The following PATJ variants were observed in gnomAD, a reference collection of about 807,000 sequenced individuals.
PATJ encodes the protein PATJ crumbs cell polarity complex component, also known as inaD-like protein.
In PATJ, 190 loss-of-function variants were observed where a neutral mutation model predicts 224.9. The ratio of observed to expected loss-of-function variants is 0.84; its 90% CI spans 0.75 to 0.95. PATJ has a LOEUF of 0.95. Ranked by LOEUF, PATJ falls within the 40% of genes least tolerant of loss-of-function variation. The probability of loss-of-function intolerance (pLI) is 0.00; values close to 1 mark genes in which losing one functional copy is unlikely to be tolerated. For synonymous variants in PATJ, 769 were observed against 820.3 expected (o/e 0.94, Z 1.07); for missense variants, 2,121 against 2,270.3 (o/e 0.93, Z 1.34).
intron 8 of PATJ, among the ~76,000 whole-genome samples, chr1:61,790,520 T>TTG (rs1649602867): frequency 2.1e-5 from 3 of 145,900 alleles, no homozygotes; most frequent in South Asian, 2.2e-4. Context: ...TTTTTGTTTT[T>TTG]TTTTTTTGTT....
At chr1:61,789,787 C>T (rs565683348) in intron 8 of PATJ, among the ~76,000 whole-genome samples, 8 of 152,088 alleles carry the variant, frequency 5.3e-5, no homozygotes, top group African/African-American at 1.2e-4. Context: ...ACTCCAGCCT[C>T]GGTGACAGAG....
Position 61,801,640 on chromosome 1 carries a change from C to A in PATJ, c.1420C>A (p.Leu474Met). The change falls in exon 12 of 44, where the codon CTG becomes ATG. Residue 474 changes from leucine to methionine, a missense_variant. Coordinates refer to ENST00000642238, the MANE Select transcript of PATJ (RefSeq NM_001350145.3). Reference protein sequence around the residue: ...PSDRGTVVEPLKPPALFLTGA... With the variant: ...PSDRGTVVEPMKPPALFLTGA... ...TGTTTTAGGAACTGTTGTAGAACCACTGAAACCACCAGCTCTCTTTCTAAC... is the reference window on the plus strand; with the variant it reads ...TGTTTTAGGAACTGTTGTAGAACCAATGAAACCACCAGCTCTCTTTCTAAC... 1 of 1,583,570 alleles carries A rather than the reference C, an allele frequency of 6.3e-7. No homozygotes were observed. Among genetic ancestry groups the A allele is most frequent in the Non-Finnish European group, 8.6e-7 (1 of 1,164,136 alleles).
intron 7 of PATJ, 42 bp from the exon 8 acceptor site, chr1:61,787,712 A>G: frequency 6.9e-7 from 1 of 1,449,174 alleles, no homozygotes; most frequent in Non-Finnish European, 9.7e-7. Flanking sequence ...CAGTGAAGTT[A>G]CAGCATTTAT....
At chr1:62,156,228 T>A (rs1268294322) in intron 43 of PATJ, among the ~76,000 whole-genome samples, 2 of 150,970 alleles carry the variant, frequency 1.3e-5, no homozygotes, top group Admixed American at 1.3e-4. Flanking sequence ...AAAAAAATTT[T>A]TTTTTAGACT....
intron 33 of PATJ, among the ~76,000 whole-genome samples, chr1:62,107,426 T>C (rs1026555591): frequency 6.6e-6 from 1 of 152,192 alleles, no homozygotes; most frequent in Non-Finnish European, 1.5e-5. Context: ...TTCTGGTTAC[T>C]TCAGTTTTCA....
intron 27 of PATJ, among the ~76,000 whole-genome samples, chr1:61,951,563 G>T (rs1404938825): frequency 6.6e-6 from 1 of 151,750 alleles, no homozygotes; most frequent in Non-Finnish European, 1.5e-5. Context: ...AGGGTAGGGG[G>T]TGCACTGTAG....
chr1:62,032,840 G>A (rs555879839), intron 29 of PATJ, among the ~76,000 whole-genome samples: 1 of 152,176 alleles, frequency 6.6e-6, no homozygotes, highest in South Asian at 2.1e-4. Context: ...TGTCTGGGGG[G>A]GCCTCAAGAA....
chr1:62,128,892 C>A lies in PATJ; in HGVS notation c.5218C>A (p.His1740Asn). The stretch of plus-strand genomic sequence containing the variant: ...CGGGCAACCTTTGGATGGGCTGTCT[C>A]ACGCGGATGTGGTTAATCTGCTGAA... The part of the protein sequence containing the change: ...INGQPLDGLS[H>N]ADVVNLLKNA... The change falls in exon 41 of 44, where the codon CAC becomes AAC. Residue 1740 changes from histidine (H) to asparagine (N), a missense_variant. His to Asn is a moderately conservative substitution (Grantham distance 68). Coordinates refer to ENST00000642238, the MANE Select transcript of PATJ (RefSeq NM_001350145.3). The A allele has an allele frequency of 6.2e-7, 1 of 1,613,736 alleles. No homozygotes were observed. Among genetic ancestry groups the A allele is most frequent in the Non-Finnish European group, 8.5e-7 (1 of 1,179,670 alleles).
intron 27 of PATJ, among the ~76,000 whole-genome samples, chr1:61,964,837 C>T (rs150807968): frequency 4.0e-4 from 61 of 151,298 alleles, no homozygotes; most frequent in Non-Finnish European, 6.8e-4. Flanking sequence ...GCTGGCCGAC[C>T]GTGGTGGCCG....
chr1:62,096,177 G>A (rs1480963800), intron 33 of PATJ, among the ~76,000 whole-genome samples: 1 of 152,182 alleles, frequency 6.6e-6, no homozygotes, highest in African/African-American at 2.4e-5. Context: ...CATGAAACAA[G>A]AAGTATGGGA....
Position 62,108,481 on chromosome 1 carries a change from C to T in PATJ, c.4422C>T (p.Ala1474=). ...IHEVYEEGAA[A]RDGRLWAGDQ... ...AAGTCTATGAAGAAGGGGCAGCAGC[C>T]AGAGATGGAAGACTTTGGGCTGGTG... is the stretch of plus-strand genomic sequence containing the variant. The change falls in exon 34 of 44, where the codon GCC becomes GCT. Residue 1474 remains alanine, a synonymous_variant. Coordinates refer to ENST00000642238, the MANE Select transcript of PATJ (RefSeq NM_001350145.3). The T allele has an allele frequency of 1.2e-6, 2 of 1,609,988 alleles. No homozygotes were observed. Among genetic ancestry groups the T allele is most frequent in the Non-Finnish European group, 1.7e-6 (2 of 1,177,062 alleles).
chr1:61,846,027 T>C (rs1319568310), intron 17 of PATJ: 2 of 152,174 alleles, frequency 1.3e-5, no homozygotes, highest in East Asian at 3.8e-4. Context: ...TCAGTTGAAT[T>C]TAGAAGGCAG....
At position 62,018,823 on chromosome 1, in the gene PATJ, C is replaced by T. The variant is rs146145234; in HGVS notation, c.3959+876C>T. ...CAATCATTATTATTCTTCCCTTTCT[C>T]GTTAGTTACCAGCAGTAAGATCTGT... On this transcript the variant is annotated intron_variant, in intron 29 of 43. Coordinates refer to ENST00000642238, the MANE Select transcript of PATJ (RefSeq NM_001350145.3). This position sits in a 1 kb window ranked among gnomAD's most constrained non-coding sequence, Gnocchi z 4.2. Among the ~76,000 whole-genome samples the T allele has an allele frequency of 6.6e-6, 1 of 152,254 alleles. No homozygotes were observed. Among genetic ancestry groups the T allele is most frequent in the East Asian group, 1.9e-4 (1 of 5,176 alleles).
At chr1:62,071,779 G>A (rs1470164662) in intron 31 of PATJ, among the ~76,000 whole-genome samples, 2 of 152,080 alleles carry the variant, frequency 1.3e-5, no homozygotes, top group South Asian at 2.1e-4. Context: ...GAACCACTGC[G>A]CCCGGCCAGG....
At position 61,927,771 on chromosome 1, in the gene PATJ, T is replaced by C; in HGVS notation, c.3612T>C (p.Pro1204=). 6.2e-7 allele frequency: 1 copy of C among 1,613,666 alleles called. No individual in the cohort carries two copies. The highest frequency in any genetic ancestry group is 8.5e-7 in the Non-Finnish European group (1 of 1,179,764). ...CACCGCCAATGAAACTTCCTCCTCC[T>C]TATAAAGCTCTGACTGATGACAGTG... ...TAPPPMKLPP[P]YKALTDDSDE... The change falls in exon 27 of 44, where the codon CCT becomes CCC. Residue 1204 remains proline (P), a synonymous_variant. Coordinates refer to ENST00000642238, the MANE Select transcript of PATJ (RefSeq NM_001350145.3).
At chr1:61,962,433 C>T (rs927423701) in intron 27 of PATJ, among the ~76,000 whole-genome samples, 3 of 152,146 alleles carry the variant, frequency 2.0e-5, no homozygotes, top group Non-Finnish European at 4.4e-5. Flanking sequence ...TTCAGATACA[C>T]TGTCTGGAGT....
At chr1:62,140,328 T>C (rs942144923) in intron 41 of PATJ, among the ~76,000 whole-genome samples, 1 of 152,110 alleles carries the variant, frequency 6.6e-6, no homozygotes, top group Admixed American at 6.6e-5. Flanking sequence ...GCTACAGAAG[T>C]GTTTTTATAC....
chr1:62,106,776 A>G (rs1234206143), intron 33 of PATJ, among the ~76,000 whole-genome samples: 1 of 152,084 alleles, frequency 6.6e-6, no homozygotes, highest in African/African-American at 2.4e-5. Context: ...CAAGCCTATA[A>G]GATCTCTCAA....
chr1:62,156,406 T>C (rs1288329013), intron 43 of PATJ, among the ~76,000 whole-genome samples: 2 of 151,786 alleles, frequency 1.3e-5, no homozygotes, highest in African/African-American at 4.8e-5. Context: ...GACAGGCACC[T>C]GTAATCCCAG....
Sources: gnomAD v4.1 joint callset for allele counts (sites outside exome capture counted in the v4.1 genomes callset) on GRCh38, gnomAD v4.1.1 for gene constraint, Gnocchi (gnomAD v3.1) non-coding constraint, MANE v1.5 for transcripts, NCBI Gene and HGNC (gene_info 2026-07-23, HGNC 2026-07-21) for gene names.